ARHGAP18: variants seen among roughly 807,000 people sequenced by gnomAD.
ARHGAP18 encodes the protein Rho GTPase activating protein 18, also known as rho GTPase-activating protein 18.
ARHGAP18 carries 67 observed loss-of-function variants against 86.2 expected under a neutral mutation model. That is an observed-to-expected ratio of 0.78 (90% confidence interval 0.64 to 0.95). ARHGAP18 has a LOEUF of 0.95. Ranked by LOEUF, ARHGAP18 falls within the 40% of genes least tolerant of loss-of-function variation. ARHGAP18 has a pLI of 0.00. For synonymous variants in ARHGAP18, 283 were observed against 280.4 expected (o/e 1.01, Z -0.09); for missense variants, 691 against 780.4 (o/e 0.89, Z 1.37).
At chr6:129,609,682 G>A (rs1788938806) in intron 8 of ARHGAP18, among the ~76,000 whole-genome samples, 1 of 151,620 alleles carries the variant, frequency 6.6e-6, no homozygotes, top group African/African-American at 2.4e-5. Flanking sequence ...GGTGTTACAT[G>A]AAGTGAGACA....
chr6:129,669,317 G>A (rs1163945709), intron 1 of ARHGAP18, among the ~76,000 whole-genome samples: 1 of 152,024 alleles, frequency 6.6e-6, no homozygotes, highest in African/African-American at 2.4e-5. Flanking sequence ...GACTACAGGC[G>A]CCCGCCACCA....
chr6:129,589,305 A>G (rs1468951488), intron 12 of ARHGAP18, among the ~76,000 whole-genome samples: 1 of 152,106 alleles, frequency 6.6e-6, no homozygotes, highest in Non-Finnish European at 1.5e-5. Flanking sequence ...TCCACCAGAT[A>G]CCCTAAATCA....
At chr6:129,608,165 A>G (rs1788898383) in intron 8 of ARHGAP18, 113 bp from the exon 9 acceptor site, 8 of 1,261,114 alleles carry the variant, frequency 6.3e-6, no homozygotes, top group Middle Eastern at 5.5e-4. Flanking sequence ...CTCTTTAGAC[A>G]AGACAAATCA....
chr6:129,623,512 G>T (rs1789275638), intron 5 of ARHGAP18, among the ~76,000 whole-genome samples: 1 of 152,198 alleles, frequency 6.6e-6, no homozygotes, highest in Non-Finnish European at 1.5e-5. Flanking sequence ...GTTGCTCGAT[G>T]CTGTGAGGAA....
intron 10 of ARHGAP18, among the ~76,000 whole-genome samples, chr6:129,604,334 C>T (rs9398908): frequency 0.32 from 48,717 of 151,790 alleles, 7,973 homozygotes; most frequent in Admixed American, 0.36. Context: ...GAGGGCAAAG[C>T]CCGAAGAAGA....
chr6:129,702,095 A>T (rs926394653), intron 1 of ARHGAP18, among the ~76,000 whole-genome samples: 7 of 152,220 alleles, frequency 4.6e-5, no homozygotes, highest in Non-Finnish European at 1.0e-4. Flanking sequence ...AAAGGCAACT[A>T]CCAAATGCAT....
rs1384526176 is a variant in ARHGAP18, at chr6:129,616,299, A to G, written c.957T>C (p.Ser319=). The G allele has an allele frequency of 6.2e-7, 1 of 1,606,192 alleles. No homozygotes were observed. Among genetic ancestry groups the G allele is most frequent in the African/African-American group, 1.3e-5 (1 of 74,596 alleles). Reference sequence around the variant, plus strand: ...CTGTCAATGGAACGCAAAAAAGACCAGAATCTGCAAGAAAAAAAATGAAAT... The same window carrying G: ...CTGTCAATGGAACGCAAAAAAGACCGGAATCTGCAAGAAAAAAAATGAAAT... ...QKAVKIKTKD[S]GLFCVPLTAL... is the part of the protein sequence containing the mutation. The change falls in exon 7 of 15, where the codon TCT becomes TCC. Residue 319 remains serine, a synonymous_variant. Coordinates refer to ENST00000368149, the MANE Select transcript of ARHGAP18 (RefSeq NM_033515.3).
In ARHGAP18 at chr6:129,638,626, CCCTCT is replaced by C; in HGVS notation, c.317-2_319del. 1.2e-6 allele frequency: 2 copies of C among 1,610,738 alleles called. No homozygotes were observed. Among genetic ancestry groups the C allele is most frequent in the Non-Finnish European group, 1.7e-6 (2 of 1,179,124 alleles). ...TTTAAGCCACTCTTCTTCCAATTCT[CCCTCT>C]AAGACAGTAGAGAAAAGTGGTACTT... On this transcript the variant is annotated splice_acceptor_variant and coding_sequence_variant, in exon 3 of 15. Transcript: ENST00000368149. LOFTEE classifies it high-confidence loss of function.
chr6:129,600,489 C>T (rs561114428), intron 11 of ARHGAP18, among the ~76,000 whole-genome samples, 153 bp downstream of exon 11: 21 of 152,236 alleles, frequency 1.4e-4, no homozygotes, highest in Non-Finnish European at 2.8e-4. Flanking sequence ...AATTTTAAAA[C>T]AGAAATTCAC....
intron 1 of ARHGAP18, among the ~76,000 whole-genome samples, chr6:129,709,676 C>G (rs960579705): frequency 2.6e-5 from 4 of 152,214 alleles, no homozygotes; most frequent in African/African-American, 9.6e-5. Context: ...GTGCCTTGAG[C>G]CCATTCAAGA....
At chr6:129,695,114 T>A (rs191158421) in intron 1 of ARHGAP18, among the ~76,000 whole-genome samples, 51 of 152,162 alleles carry the variant, frequency 3.4e-4, no homozygotes, top group Non-Finnish European at 4.4e-5. Context: ...GGAACAATGG[T>A]AATAACTATT....
At chr6:129,655,346 A>C (rs1773810792) in intron 1 of ARHGAP18, among the ~76,000 whole-genome samples, 1 of 148,328 alleles carries the variant, frequency 6.7e-6, no homozygotes, top group South Asian at 2.1e-4. Flanking sequence ...AAAAAAGAAA[A>C]GAAAAGAAAA....
At chr6:129,672,126 T>C (rs1774152449) in intron 1 of ARHGAP18, among the ~76,000 whole-genome samples, 1 of 152,100 alleles carries the variant, frequency 6.6e-6, no homozygotes, top group Non-Finnish European at 1.5e-5. Context: ...CTCCCCTTTC[T>C]TCTACTCCTG....
At chr6:129,667,155 T>C (rs1012076259) in intron 1 of ARHGAP18, among the ~76,000 whole-genome samples, 2 of 152,234 alleles carry the variant, frequency 1.3e-5, no homozygotes, top group East Asian at 3.9e-4. Context: ...CTCTGGGAAG[T>C]AGGGGAACCT....
At chr6:129,671,799 T>G (rs1205162119) in intron 1 of ARHGAP18, among the ~76,000 whole-genome samples, 1 of 152,194 alleles carries the variant, frequency 6.6e-6, no homozygotes, top group Non-Finnish European at 1.5e-5. Context: ...AATAGGTCAT[T>G]CTAGACACCA....
At chr6:129,633,266 TAAA>T (rs10713691) in intron 4 of ARHGAP18, among the ~76,000 whole-genome samples, 7 of 132,234 alleles carry the variant, frequency 5.3e-5, no homozygotes, top group Admixed American at 7.6e-5. Context: ...TGTCTCTACT[TAAA>T]AAAAAAAAAA....
intron 1 of ARHGAP18, among the ~76,000 whole-genome samples, chr6:129,650,060 G>A (rs1445024412): frequency 6.7e-6 from 1 of 149,536 alleles, no homozygotes; most frequent in Non-Finnish European, 1.5e-5. Flanking sequence ...TTACACACAT[G>A]TGCCACCACA....
intron 4 of ARHGAP18, among the ~76,000 whole-genome samples, chr6:129,632,645 A>G (rs891322343): frequency 2.6e-5 from 4 of 152,214 alleles, no homozygotes; most frequent in African/African-American, 9.6e-5. Flanking sequence ...CATAGATCTG[A>G]GAAAACACCT....
At chr6:129,707,236 A>C (rs2068965988) in intron 1 of ARHGAP18, among the ~76,000 whole-genome samples, 1 of 152,026 alleles carries the variant, frequency 6.6e-6, no homozygotes, top group Non-Finnish European at 1.5e-5. Context: ...TCCATCTCGA[A>C]AAAAAAAAGG....
Sources: gnomAD v4.1 joint callset for allele counts (sites outside exome capture counted in the v4.1 genomes callset) on GRCh38, gnomAD v4.1.1 for gene constraint, MANE v1.5 for transcripts, NCBI Gene and HGNC (gene_info 2026-07-23, HGNC 2026-07-21) for gene names.